The following FHAD1 variants were observed in gnomAD, a reference collection of about 807,000 sequenced individuals.
FHAD1 encodes forkhead associated phosphopeptide binding domain 1.
In FHAD1, 146 loss-of-function variants were observed where a neutral mutation model predicts 191.3. That is an observed-to-expected ratio of 0.76 (90% confidence interval 0.67 to 0.88). The LOEUF (loss-of-function observed/expected upper bound fraction) is 0.88, where lower values mean the gene tolerates loss of function less well. Among genes scored for constraint, FHAD1 ranks in the 40% least tolerant of loss-of-function variants. FHAD1 has a pLI of 0.00. For missense variants in FHAD1, 1,635 were observed against 1,785.8 expected (o/e 0.92, Z 1.52); for synonymous variants, 616 against 672.3 (o/e 0.92, Z 1.29).
intron 1 of FHAD1, among the ~76,000 whole-genome samples, chr1:15,240,716 T>A (rs1046119029): frequency 2.6e-5 from 4 of 151,038 alleles, no homozygotes; most frequent in African/African-American, 4.9e-5. Context: ...CCCAGCACTT[T>A]GGGAGGCCGA....
At chr1:15,296,909 A>G (rs1051479983) in intron 5 of FHAD1, 116 bp downstream of exon 5, 2 of 724,956 alleles carry the variant, frequency 2.8e-6, no homozygotes, top group Non-Finnish European at 2.3e-6. Flanking sequence ...CCAAGAAACC[A>G]CCTCTTACTC....
In FHAD1 at chr1:15,289,685, ATT is replaced by A; in HGVS notation, c.568+20_568+21del. 6.5e-7 allele frequency: 1 copy of A among 1,537,040 alleles called. No homozygotes were observed. Among genetic ancestry groups the A allele is most frequent in the Non-Finnish European group, 8.8e-7 (1 of 1,135,662 alleles). ...AAGCAAGGTATGCGTCAGGGCTGCC[ATT>A]GGTGGCTTGGGGGTGGTTCACGGCC... is the stretch of plus-strand genomic sequence containing the variant. On this transcript the variant is annotated intron_variant, in intron 4 of 33. Coordinates refer to ENST00000688493, the MANE Select transcript of FHAD1 (RefSeq NM_001391957.1). The surrounding 1 kb of genome is among the most constrained non-coding windows in gnomAD (Gnocchi z 4.2).
intron 8 of FHAD1, among the ~76,000 whole-genome samples, 197 bp downstream of exon 8, chr1:15,313,384 C>T (rs1672920293): frequency 6.6e-6 from 1 of 152,192 alleles, no homozygotes; most frequent in Non-Finnish European, 1.5e-5. Context: ...CCTAGAAAAA[C>T]TAAAACAGCT....
chr1:15,391,739 T>C (rs1204182823), intron 33 of FHAD1, among the ~76,000 whole-genome samples: 1 of 152,236 alleles, frequency 6.6e-6, no homozygotes, highest in Non-Finnish European at 1.5e-5. Flanking sequence ...ACTGAAGATA[T>C]TCTATGCAAG....
At chr1:15,349,304 G>C (rs1029927440) in intron 19 of FHAD1, among the ~76,000 whole-genome samples, 155 bp downstream of exon 19, 1 of 152,082 alleles carries the variant, frequency 6.6e-6, no homozygotes, top group South Asian at 2.1e-4. Flanking sequence ...CCGGCAGATC[G>C]CCACCTCCCC....
chr1:15,376,034 A>T (rs1395232106), intron 28 of FHAD1, among the ~76,000 whole-genome samples: 1 of 146,930 alleles, frequency 6.8e-6, no homozygotes, highest in Non-Finnish European at 1.5e-5. Context: ...TTTTATTTTT[A>T]TTTATTTTTA....
In FHAD1 at chr1:15,345,635, G is replaced by A. The variant is rs982592203; in HGVS notation, c.2346+112G>A. 5 of 883,644 alleles carry A rather than the reference G, an allele frequency of 5.7e-6. No homozygotes were observed. The African/African-American group carries it at 8.3e-5, about 15-fold the overall frequency. 54.7% of individuals were successfully genotyped at this position (883,644 alleles called of 1,614,324 possible). A position where few individuals can be genotyped will look rare whatever the true frequency, so the allele number is the denominator to read the frequency against. On this transcript the variant is annotated intron_variant, in intron 18 of 33. Transcript: ENST00000688493. ...AGATCGTGGTGGAGCCTTCCTCGTG[G>A]AGTTTGCGTTTGGGTGGGCTCAGCT...
chr1:15,278,635 A>C (rs960250090), intron 3 of FHAD1, among the ~76,000 whole-genome samples: 1 of 151,918 alleles, frequency 6.6e-6, no homozygotes, highest in African/African-American at 2.4e-5. Flanking sequence ...CACCATGCCC[A>C]GCTAATTTTT....
intron 3 of FHAD1, among the ~76,000 whole-genome samples, chr1:15,275,661 G>A (rs1009329227): frequency 5.9e-5 from 9 of 152,116 alleles, no homozygotes; most frequent in Non-Finnish European, 1.3e-4. Context: ...TGATGACCTC[G>A]ACCTGTGAGC....
intron 3 of FHAD1, among the ~76,000 whole-genome samples, chr1:15,284,869 CAAAG>C (rs1278766244): frequency 6.6e-6 from 1 of 150,938 alleles, no homozygotes; most frequent in Non-Finnish European, 1.5e-5. Context: ...CAAAAATAAA[CAAAG>C]AAAAAACCAC....
chr1:15,293,607 A>G (rs538254988), intron 4 of FHAD1, among the ~76,000 whole-genome samples: 1 of 152,084 alleles, frequency 6.6e-6, no homozygotes, highest in Non-Finnish European at 1.5e-5. Flanking sequence ...AATCCCAGCT[A>G]CTCAGGAGGC....
intron 6 of FHAD1, among the ~76,000 whole-genome samples, chr1:15,301,725 G>C (rs1269597560): frequency 1.3e-5 from 2 of 152,190 alleles, no homozygotes; most frequent in African/African-American, 4.8e-5. Context: ...TTCTACAGAT[G>C]AAGGGTCTAA....
intron 33 of FHAD1, among the ~76,000 whole-genome samples, chr1:15,394,419 G>C (rs1036666368): frequency 3.3e-5 from 5 of 152,158 alleles, no homozygotes; most frequent in East Asian, 3.9e-4. Context: ...GGTTGTTTAG[G>C]GGGGAAGGCT....
intron 27 of FHAD1, among the ~76,000 whole-genome samples, chr1:15,374,944 C>T (rs938033502): frequency 5.3e-5 from 8 of 151,266 alleles, no homozygotes; most frequent in African/African-American, 9.8e-5. Flanking sequence ...CTGCAACCTC[C>T]GCCTCCCAGG....
At chr1:15,360,405 G>A (rs995136376) in intron 21 of FHAD1, 73 bp from the exon 22 acceptor site, 9 of 1,348,560 alleles carry the variant, frequency 6.7e-6, no homozygotes, top group African/African-American at 4.4e-5. Context: ...CTATGTGTGT[G>A]CCCAGGGGGC....
intron 20 of FHAD1, among the ~76,000 whole-genome samples, chr1:15,355,654 G>C (rs957892429): frequency 1.3e-5 from 2 of 152,150 alleles, no homozygotes; most frequent in Admixed American, 6.5e-5. Flanking sequence ...TGAGCTGTAC[G>C]TGACAAGCTA....
intron 2 of FHAD1, among the ~76,000 whole-genome samples, chr1:15,271,986 A>G (rs1189649751): frequency 1.3e-5 from 2 of 152,236 alleles, no homozygotes; most frequent in Non-Finnish European, 2.9e-5. Flanking sequence ...AACAAAAAGA[A>G]AAGAAAATGG....
chr1:15,256,954 T>C (rs943084077), intron 2 of FHAD1, among the ~76,000 whole-genome samples: 45 of 152,300 alleles, frequency 3.0e-4, no homozygotes, highest in African/African-American at 1.0e-3. Context: ...CTCCTTCTCA[T>C]ATGGGATCAG....
intron 31 of FHAD1, chr1:15,383,374 G>T: frequency 2.5e-6 from 1 of 405,050 alleles, no homozygotes; most frequent in South Asian, 1.8e-5. Flanking sequence ...GACCCATGCT[G>T]CCCGTGACCC....
Sources: allele counts gnomAD v4.1 joint callset (sites outside exome capture counted in the v4.1 genomes callset), GRCh38; gene constraint gnomAD v4.1.1; non-coding constraint Gnocchi (gnomAD v3.1); transcripts MANE v1.5; gene names NCBI Gene and HGNC (gene_info 2026-07-23, HGNC 2026-07-21).